OR1J2: variants seen among roughly 807,000 people sequenced by gnomAD.
The protein encoded by OR1J2 is olfactory receptor family 1 subfamily J member 2.
For synonymous variants in OR1J2, 142 were observed against 99.7 expected (o/e 1.42, Z -2.52); for missense variants, 304 against 246.1 (o/e 1.24, Z -1.57).
chr9:122,488,645 A>G, the OR1J2 span, among the ~76,000 whole-genome samples: 1 of 152,260 alleles, frequency 6.6e-6, no homozygotes, highest in African/African-American at 2.4e-5. Context: ...TTCTTTGACC[A>G]TAAAAATGAG....
the OR1J2 span, among the ~76,000 whole-genome samples, chr9:122,481,331 A>G: frequency 2.0e-5 from 3 of 152,156 alleles, no homozygotes; most frequent in Non-Finnish European, 2.9e-5. Flanking sequence ...CACACAGGAT[A>G]AATGAATCTT....
At chr9:122,570,652 G>A in the OR1J2 span, among the ~76,000 whole-genome samples, 11 of 152,226 alleles carry the variant, frequency 7.2e-5, no homozygotes, top group African/African-American at 2.6e-4. Flanking sequence ...CAGCGTCATC[G>A]TCCCTTATCT....
the OR1J2 span, chr9:122,553,904 C>T: frequency 1.9e-6 from 3 of 1,614,044 alleles, no homozygotes; most frequent in Admixed American, 1.7e-5. Flanking sequence ...TGTTTGTCAT[C>T]TCATCTCCTG....
chr9:122,544,618 C>A, the OR1J2 span, among the ~76,000 whole-genome samples: 1 of 151,976 alleles, frequency 6.6e-6, no homozygotes, highest in Non-Finnish European at 1.5e-5. Flanking sequence ...CAGGGTTTCT[C>A]CATGTTAGTC....
chr9:122,533,426 T>G, the OR1J2 span, among the ~76,000 whole-genome samples: 9 of 152,174 alleles, frequency 5.9e-5, no homozygotes, highest in African/African-American at 2.2e-4. Flanking sequence ...AATGGGATGG[T>G]AAGTGGTGCA....
the OR1J2 span, among the ~76,000 whole-genome samples, chr9:122,504,138 T>C: frequency 1.3e-5 from 2 of 152,194 alleles, no homozygotes; most frequent in African/African-American, 4.8e-5. Context: ...TGCTGCTGTG[T>C]CTATCTGACC....
At chr9:122,506,834 C>A (rs141290268), upstream of OR1J2, among the ~76,000 whole-genome samples, 2 of 151,992 alleles carry the variant, frequency 1.3e-5, no homozygotes, top group African/African-American at 4.8e-5. Context: ...AAAAGATGAA[C>A]GAAGAGAGAG....
At chr9:122,467,987 C>T in the OR1J2 span, among the ~76,000 whole-genome samples, 1 of 152,204 alleles carries the variant, frequency 6.6e-6, no homozygotes, top group Non-Finnish European at 1.5e-5. Flanking sequence ...AACAGTTCAC[C>T]TGGACATTAA....
At chr9:122,523,516 G>A in the OR1J2 span, among the ~76,000 whole-genome samples, 1 of 152,114 alleles carries the variant, frequency 6.6e-6, no homozygotes, top group African/African-American at 2.4e-5. Flanking sequence ...GAATCAAGAT[G>A]CTTAATTAGA....
At chr9:122,470,477 C>T in the OR1J2 span, among the ~76,000 whole-genome samples, 1 of 152,210 alleles carries the variant, frequency 6.6e-6, no homozygotes, top group South Asian at 2.1e-4. Context: ...AGGGGTGGGG[C>T]TCTCATGGAG....
the OR1J2 span, among the ~76,000 whole-genome samples, chr9:122,470,985 C>T: frequency 3.3e-5 from 5 of 152,318 alleles, no homozygotes; most frequent in East Asian, 1.9e-4. Flanking sequence ...ATTTTACAGG[C>T]TCATAGGAGG....
At chr9:122,578,852 T>C in the OR1J2 span, among the ~76,000 whole-genome samples, 1 of 152,110 alleles carries the variant, frequency 6.6e-6, no homozygotes, top group Non-Finnish European at 1.5e-5. Context: ...CTGGGTACAG[T>C]GTACACTGCT....
At chr9:122,530,005 G>A in the OR1J2 span, among the ~76,000 whole-genome samples, 3 of 152,290 alleles carry the variant, frequency 2.0e-5, no homozygotes, top group Admixed American at 2.0e-4. Flanking sequence ...TGAGGGTACA[G>A]GATCAAGAAT....
chr9:122,484,923 A>G, the OR1J2 span, among the ~76,000 whole-genome samples: 31 of 152,008 alleles, frequency 2.0e-4, no homozygotes, highest in African/African-American at 7.5e-4. Context: ...GGTCCCAGCT[A>G]CTCAGGAGGC....
At chr9:122,507,625 C>G (rs1157667268), upstream of OR1J2, among the ~76,000 whole-genome samples, 1 of 152,090 alleles carries the variant, frequency 6.6e-6, no homozygotes, top group African/African-American at 2.4e-5. Flanking sequence ...ATCATTTTCC[C>G]CCTGTGCTCA....
At chr9:122,486,610 GAAT>G in the OR1J2 span, among the ~76,000 whole-genome samples, 82 of 152,130 alleles carry the variant, frequency 5.4e-4, no homozygotes, top group African/African-American at 1.9e-3. Context: ...TTTATTGTGT[GAAT>G]AATAATATAG....
At chr9:122,512,576 G>C (rs1189823421), downstream of OR1J2, among the ~76,000 whole-genome samples, 2 of 152,194 alleles carry the variant, frequency 1.3e-5, no homozygotes, top group East Asian at 3.8e-4. Flanking sequence ...TTCAGTAATA[G>C]AGAAATCAGT....
At chr9:122,477,015 G>A in the OR1J2 span, 1 of 1,612,522 alleles carries the variant, frequency 6.2e-7, no homozygotes, top group South Asian at 1.1e-5. Flanking sequence ...ACCTACTCAA[G>A]AGTTTTCTTA....
At chr9:122,532,257 G>A in the OR1J2 span, among the ~76,000 whole-genome samples, 1 of 152,272 alleles carries the variant, frequency 6.6e-6, no homozygotes, top group Middle Eastern at 3.4e-3. Flanking sequence ...ACACTGAGAA[G>A]TTATTTCCTT....
Sources: gnomAD v4.1 joint callset for allele counts (sites outside exome capture counted in the v4.1 genomes callset) on GRCh38, gnomAD v4.1.1 for gene constraint, MANE v1.5 for transcripts, NCBI Gene and HGNC (gene_info 2026-07-23, HGNC 2026-07-21) for gene names.